SLC6A3: variants seen among roughly 807,000 people sequenced by gnomAD.
SLC6A3 encodes solute carrier family 6 member 3, also known as sodium-dependent dopamine transporter.
Under a neutral mutation model 70.4 loss-of-function variants are expected in SLC6A3, and 19 were observed. That is an observed-to-expected ratio of 0.27 (90% CI 0.19 to 0.40). SLC6A3 has a LOEUF of 0.40. SLC6A3 is among the 10% of genes least tolerant of loss of function. The probability of loss-of-function intolerance (pLI) is 1.00; values close to 1 mark genes in which losing one functional copy is unlikely to be tolerated. For synonymous variants in SLC6A3, 368 were observed against 356.6 expected (o/e 1.03, Z -0.36); for missense variants, 613 against 838.5 (o/e 0.73, Z 3.32).
At chr5:1,422,289 G>A (rs1403182623) in intron 4 of SLC6A3, among the ~76,000 whole-genome samples, 4 of 152,104 alleles carry the variant, frequency 2.6e-5, no homozygotes, top group South Asian at 2.1e-4. Flanking sequence ...CTGCGGAGGC[G>A]GAGGGCACCT....
chr5:1,416,732 A>G (rs1158988068), intron 6 of SLC6A3, among the ~76,000 whole-genome samples: 1 of 151,252 alleles, frequency 6.6e-6, no homozygotes, highest in Non-Finnish European at 1.5e-5. Flanking sequence ...TCGGAACAGC[A>G]CGGACTCATC....
chr5:1,422,081 G>A, intron 4 of SLC6A3, 67 bp from the exon 5 acceptor site: 1 of 1,533,648 alleles, frequency 6.5e-7, no homozygotes, highest in African/African-American at 1.4e-5. Flanking sequence ...GGACGGCTGA[G>A]CTTGTCCGGG....
intron 12 of SLC6A3, among the ~76,000 whole-genome samples, chr5:1,403,429 C>G (rs1755899320): frequency 7.3e-6 from 1 of 137,494 alleles, no homozygotes; most frequent in Non-Finnish European, 1.6e-5. Context: ...CTTCCCCTCC[C>G]ATCCCATCCT....
In SLC6A3 at chr5:1,437,030, T is replaced by G. The variant is rs1376767046; in HGVS notation, c.418+4329A>C. Reference sequence around the variant, plus strand: ...ACTTTGGGAGGCCAAGGCAGGCGGATCATGAGGTCAGGCAATCGAGACCAT... The same window carrying G: ...ACTTTGGGAGGCCAAGGCAGGCGGAGCATGAGGTCAGGCAATCGAGACCAT... On this transcript the variant is annotated intron_variant, in intron 3 of 14. Transcript: ENST00000270349. The surrounding 1 kb of genome is among the most constrained non-coding windows in gnomAD (Gnocchi z 4.8). 6.6e-6 allele frequency among the ~76,000 whole-genome samples: 1 copy of G among 151,994 alleles called. No individual in the cohort carries two copies. Among genetic ancestry groups the G allele is most frequent in the Non-Finnish European group, 1.5e-5 (1 of 67,976 alleles).
At position 1,443,084 on chromosome 5, in the gene SLC6A3, G is replaced by C. The variant is rs6350; in HGVS notation, c.114C>G (p.Asn38Lys). ...EVELILVKEQ[N>K]GVQLTSSTLT... ...GGGTGGAGCTGGTGAGCTGCACTCC[G>C]TTCTGCTCCTTGACAAGGATGAGCT... The change falls in exon 2 of 15, where the codon AAC becomes AAG. Residue 38 changes from asparagine to lysine, a missense_variant. Transcript: ENST00000270349. 54 of 1,614,174 alleles carry C rather than the reference G, an allele frequency of 3.3e-5. No homozygotes were observed. Among genetic ancestry groups the C allele is most frequent in the Admixed American group, 2.5e-4 (15 of 60,024 alleles).
chr5:1,393,358 T>A lies in SLC6A3; in HGVS notation c.*1377A>T. 6.6e-6 allele frequency: 1 copy of A among 152,658 alleles called. No homozygotes were observed. Among genetic ancestry groups the A allele is most frequent in the Middle Eastern group, 3.3e-3 (1 of 300 alleles). 9.5% of individuals were successfully genotyped at this position (152,658 alleles called of 1,614,324 possible). A position where few individuals can be genotyped will look rare whatever the true frequency, so the allele number is the denominator to read the frequency against. ...TCCTTCACTCAGTATTGCTAATTAT[T>A]CTTGTAAACAAAAACTGCAATATCA... is the stretch of plus-strand genomic sequence containing the variant. On this transcript the variant is annotated 3_prime_UTR_variant, in exon 15 of 15. Transcript: ENST00000270349.
intron 14 of SLC6A3, among the ~76,000 whole-genome samples, chr5:1,398,159 G>A (rs144956318): frequency 0.019 from 2,944 of 152,122 alleles, 106 homozygotes; most frequent in African/African-American, 0.066. Context: ...TCAGGAGTTC[G>A]AGACCAGCCT....
intron 1 of SLC6A3, among the ~76,000 whole-genome samples, chr5:1,444,024 G>A (rs539221140): frequency 6.6e-6 from 1 of 152,160 alleles, no homozygotes; most frequent in Non-Finnish European, 1.5e-5. Context: ...CAGTAATAAA[G>A]AGCAAAATTT....
At chr5:1,419,878 G>A (rs780662749) in intron 6 of SLC6A3, among the ~76,000 whole-genome samples, 1 of 150,806 alleles carries the variant, frequency 6.6e-6, no homozygotes, top group Non-Finnish European at 1.5e-5. Context: ...TGCCTCCCTG[G>A]GGCTTCCTGG....
intron 4 of SLC6A3, among the ~76,000 whole-genome samples, chr5:1,429,355 C>A (rs1222413661): frequency 6.6e-6 from 1 of 152,212 alleles, no homozygotes; most frequent in Non-Finnish European, 1.5e-5. Flanking sequence ...CAACTCCCCA[C>A]GTCTGCTCTT....
intron 5 of SLC6A3, 26 bp from the exon 6 acceptor site, chr5:1,420,729 G>A: frequency 1.2e-6 from 2 of 1,612,262 alleles, no homozygotes; most frequent in Non-Finnish European, 1.7e-6. Context: ...GTGTCACCAG[G>A]CTGCACAGGC....
intron 9 of SLC6A3, among the ~76,000 whole-genome samples, chr5:1,410,344 C>A (rs184475472): frequency 6.6e-6 from 1 of 152,180 alleles, no homozygotes; most frequent in Non-Finnish European, 1.5e-5. Context: ...TCACCTTGCT[C>A]GGTCCAGACC....
At position 1,400,901 on chromosome 5, in the gene SLC6A3, G is replaced by C. The variant is rs766545454; in HGVS notation, c.1839+14C>G. 3.8e-6 allele frequency: 6 copies of C among 1,566,738 alleles called. No homozygotes were observed. The East Asian group carries it at 1.4e-4, about 37-fold the overall frequency. ...ATTCCCCCGAGAGAGGCCCAGCAGG[G>C]ACCTCGACCTCACCGTGAACTGGCG... is the stretch of plus-strand genomic sequence containing the variant. On this transcript the variant is annotated intron_variant, in intron 14 of 14. Transcript: ENST00000270349.
chr5:1,417,668 C>T (rs1756338487), intron 6 of SLC6A3, among the ~76,000 whole-genome samples: 1 of 152,258 alleles, frequency 6.6e-6, no homozygotes, highest in Admixed American at 6.5e-5. Flanking sequence ...CATTCAGTGA[C>T]TCAGATGCCC....
intron 12 of SLC6A3, among the ~76,000 whole-genome samples, chr5:1,403,877 C>T (rs1755909345): frequency 6.6e-6 from 1 of 152,222 alleles, no homozygotes; most frequent in Non-Finnish European, 1.5e-5. Context: ...ATCCACTCCA[C>T]AAACATGCAC....
In SLC6A3 at chr5:1,397,004, C is replaced by T. The variant is rs765155553; in HGVS notation, c.1840-2246G>A. On this transcript the variant is annotated intron_variant, in intron 14 of 14. Coordinates refer to ENST00000270349, the MANE Select transcript of SLC6A3 (RefSeq NM_001044.5). This position sits in a 1 kb window ranked among gnomAD's most constrained non-coding sequence, Gnocchi z 4.7. ...TGGGCTCACAAGGGTCTGTTTGTTA[C>T]GGTGACAAATTAATAATTTAAAAAT... 6.6e-5 allele frequency among the ~76,000 whole-genome samples: 10 copies of T among 152,164 alleles called. No homozygotes were observed. Among genetic ancestry groups the T allele is most frequent in the South Asian group, 2.1e-4 (1 of 4,820 alleles).
rs760385170 is a variant in SLC6A3 at position 1,408,203 on chromosome 5, ATTTT to A, written c.1498+819_1498+822del. Among the ~76,000 whole-genome samples the A allele has an allele frequency of 7.6e-6, 1 of 131,542 alleles. No individual in the cohort carries two copies. The allele number at this position is 131,542 out of a possible 152,430, so 86.3% of individuals were successfully genotyped here. On this transcript the variant is annotated intron_variant, in intron 11 of 14. Coordinates refer to ENST00000270349, the MANE Select transcript of SLC6A3 (RefSeq NM_001044.5). This position sits in a 1 kb window ranked among gnomAD's most constrained non-coding sequence, Gnocchi z 6.4. ...AGCCTTGTGCCACCACACCCGGCTA[ATTTT>A]TTTTTTTTTTTTTTTTAGTAAAGAT... is the stretch of plus-strand genomic sequence containing the variant.
rs753501820 is a variant in SLC6A3, at chr5:1,438,721, C to A, written c.418+2638G>T. 6.6e-6 allele frequency among the ~76,000 whole-genome samples: 1 copy of A among 152,192 alleles called. No homozygotes were observed. The highest frequency in any genetic ancestry group is 1.5e-5 in the Non-Finnish European group (1 of 68,038). On this transcript the variant is annotated intron_variant, in intron 3 of 14. Transcript: ENST00000270349. The surrounding 1 kb of genome is among the most constrained non-coding windows in gnomAD (Gnocchi z 6.5). ...GAAGAGGTGATTTAACTTGCTCCAA[C>A]ACCAGGCTCACTGGCGGGAGTGGGG... is the stretch of plus-strand genomic sequence containing the variant.
intron 6 of SLC6A3, among the ~76,000 whole-genome samples, chr5:1,420,116 C>T (rs994923774): frequency 3.9e-5 from 6 of 152,202 alleles, no homozygotes; most frequent in Non-Finnish European, 7.3e-5. Context: ...TGGGGCCTGC[C>T]ACCTCCCCCA....
Sources: gnomAD v4.1 joint callset for allele counts (sites outside exome capture counted in the v4.1 genomes callset) on GRCh38, gnomAD v4.1.1 for gene constraint, Gnocchi (gnomAD v3.1) non-coding constraint, MANE v1.5 for transcripts, NCBI Gene and HGNC (gene_info 2026-07-23, HGNC 2026-07-21) for gene names.